The following PPP4R3A variants were observed in gnomAD, a reference collection of about 807,000 sequenced individuals.
The protein encoded by PPP4R3A is protein phosphatase 4 regulatory subunit 3A.
Under a neutral mutation model 91.7 loss-of-function variants are expected in PPP4R3A, and 15 were observed. The observed-to-expected ratio is 0.16, with a 90% confidence interval of 0.11 to 0.25. The LOEUF is 0.25. PPP4R3A is among the 10% of genes least tolerant of loss of function. The probability of loss-of-function intolerance (pLI) is 1.00; values close to 1 mark genes in which losing one functional copy is unlikely to be tolerated. For synonymous variants in PPP4R3A, 377 were observed against 348.7 expected (o/e 1.08, Z -0.91); for missense variants, 623 against 998.4 (o/e 0.62, Z 5.07).
At chr14:91,500,940 G>A (rs1451862754) in intron 1 of PPP4R3A, among the ~76,000 whole-genome samples, 2 of 152,242 alleles carry the variant, frequency 1.3e-5, no homozygotes, top group East Asian at 1.9e-4. Context: ...GCTGAGGCAG[G>A]ACGACTGCTT....
chr14:91,464,328 C>CT (rs1271509854), intron 11 of PPP4R3A, among the ~76,000 whole-genome samples: 2 of 135,786 alleles, frequency 1.5e-5, no homozygotes, highest in Non-Finnish European at 3.2e-5. Flanking sequence ...CCCCACCCCC[C>CT]TCCCTCACCC....
intron 4 of PPP4R3A, 115 bp from the exon 5 acceptor site, chr14:91,477,101 C>T: frequency 1.7e-6 from 1 of 601,308 alleles, no homozygotes; most frequent in Non-Finnish European, 2.5e-6. Context: ...GTGGTATTGG[C>T]AATGCTGTCT....
chr14:91,485,361 T>C (rs1197376565), intron 3 of PPP4R3A, among the ~76,000 whole-genome samples: 1 of 152,176 alleles, frequency 6.6e-6, no homozygotes, highest in African/African-American at 2.4e-5. Context: ...TTATGTTTGG[T>C]TTTGGAGTAC....
chr14:91,493,773 CTT>C lies in PPP4R3A; in HGVS notation c.143-2973_143-2972del, dbSNP rs71120151. Among the ~76,000 whole-genome samples the C allele has an allele frequency of 1.8e-3, 216 of 119,812 alleles. 3 individuals are homozygous for C. Among genetic ancestry groups the C allele is most frequent in the Admixed American group, 2.2e-3 (26 of 11,918 alleles). The allele number at this position is 119,812 out of a possible 152,430, so 78.6% of individuals were successfully genotyped here. A position where few individuals can be genotyped will look rare whatever the true frequency, so the allele number is the denominator to read the frequency against. On this transcript the variant is annotated intron_variant, in intron 1 of 14. Transcript: ENST00000554943. ...TAAAGTACATTATGGATCAATATTA[CTT>C]TTTTTTTTTTTTTTGAGACGGAGTT...
chr14:91,504,783 C>G (rs1891183329), intron 1 of PPP4R3A, among the ~76,000 whole-genome samples: 1 of 152,110 alleles, frequency 6.6e-6, no homozygotes, highest in Non-Finnish European at 1.5e-5. Flanking sequence ...GAAGGGAAGG[C>G]ATACAGTACT....
intron 3 of PPP4R3A, among the ~76,000 whole-genome samples, chr14:91,483,202 A>G (rs2145618): frequency 0.49 from 74,776 of 152,088 alleles, 18,718 homozygotes; most frequent in Admixed American, 0.53. Context: ...AGTGAACACT[A>G]AAGCAAGTAG....
At chr14:91,468,241 C>T (rs897780291) in intron 10 of PPP4R3A, among the ~76,000 whole-genome samples, 4 of 152,154 alleles carry the variant, frequency 2.6e-5, no homozygotes, top group Non-Finnish European at 5.9e-5. Context: ...CTTTCATTTA[C>T]TTAAAAGATT....
At chr14:91,460,775 CACG>C (rs1288593307) in intron 14 of PPP4R3A, among the ~76,000 whole-genome samples, 1 of 151,832 alleles carries the variant, frequency 6.6e-6, no homozygotes, top group African/African-American at 2.4e-5. Flanking sequence ...CGCCCGCCAC[CACG>C]CCTGGCTAAT....
intron 10 of PPP4R3A, among the ~76,000 whole-genome samples, chr14:91,468,691 G>GAAAAAAGA (rs1888642440): frequency 4.0e-5 from 3 of 74,722 alleles, no homozygotes; most frequent in East Asian, 1.0e-3. Context: ...AAAAAAAAAG[G>GAAAAAAGA]AAAAAAGAAA....
At chr14:91,476,674 T>C (rs1889227645) in intron 5 of PPP4R3A, 150 bp from the exon 6 acceptor site, 1 of 678,536 alleles carries the variant, frequency 1.5e-6, no homozygotes, top group East Asian at 2.8e-5. Flanking sequence ...CAAGCGATTC[T>C]CCTGCCTCAG....
At chr14:91,460,637 C>CTTTTTTTTTTT (rs573677740) in intron 14 of PPP4R3A, among the ~76,000 whole-genome samples, 2 of 111,282 alleles carry the variant, frequency 1.8e-5, no homozygotes, top group Non-Finnish European at 3.5e-5. Flanking sequence ...GATTTTGTTC[C>CTTTTTTTTTTT]TTTTTTTTTT....
intron 1 of PPP4R3A, among the ~76,000 whole-genome samples, chr14:91,498,130 T>G (rs1336019797): frequency 6.6e-6 from 1 of 152,126 alleles, no homozygotes; most frequent in African/African-American, 2.4e-5. Context: ...ATGTCAGGAA[T>G]TCGAGATCAG....
In PPP4R3A at chr14:91,458,885, G is replaced by C. The variant is rs528395708; in HGVS notation, c.2392-16C>G. ...CGAGGCCTCCCTGTTAAGAAATAAGGATTATTTAAAGAACAGAAAATAAAA... is the reference window on the plus strand; with the variant it reads ...CGAGGCCTCCCTGTTAAGAAATAAGCATTATTTAAAGAACAGAAAATAAAA... On this transcript the variant is annotated splice_polypyrimidine_tract_variant and intron_variant, in intron 14 of 14. Transcript: ENST00000554943. 6.3e-7 allele frequency: 1 copy of C among 1,582,974 alleles called. No individual in the cohort carries two copies. The highest frequency in any genetic ancestry group is 1.9e-5 in the Admixed American group (1 of 54,024).
intron 1 of PPP4R3A, among the ~76,000 whole-genome samples, chr14:91,494,579 AG>A (rs762247876): frequency 3.9e-4 from 59 of 152,148 alleles, no homozygotes; most frequent in Non-Finnish European, 7.8e-4. Context: ...CCCACAAATA[AG>A]GGCCAGGCAC....
intron 1 of PPP4R3A, among the ~76,000 whole-genome samples, chr14:91,499,820 CAAAAAAAA>C (rs3993928): frequency 8.3e-6 from 1 of 120,444 alleles, no homozygotes; most frequent in Non-Finnish European, 1.7e-5. Flanking sequence ...GACTCCACCT[CAAAAAAAA>C]AAAAAAAAAA....
chr14:91,501,484 T>G (rs1304184576), intron 1 of PPP4R3A, among the ~76,000 whole-genome samples: 1 of 151,964 alleles, frequency 6.6e-6, no homozygotes, highest in Non-Finnish European at 1.5e-5. Flanking sequence ...GGTGACCCCA[T>G]CTCTACAAAA....
chr14:91,498,315 A>G (rs1248052545), intron 1 of PPP4R3A, among the ~76,000 whole-genome samples: 1 of 151,988 alleles, frequency 6.6e-6, no homozygotes, highest in Non-Finnish European at 1.5e-5. Flanking sequence ...AGCCTAATTG[A>G]CAGTGAGACT....
chr14:91,462,249 G>A lies in PPP4R3A; in HGVS notation c.1974-10C>T. The A allele has an allele frequency of 1.3e-6, 2 of 1,562,832 alleles. No individual in the cohort carries two copies. The highest frequency in any genetic ancestry group is 1.4e-5 in the African/African-American group (1 of 72,452). On this transcript the variant is annotated splice_polypyrimidine_tract_variant and intron_variant, in intron 12 of 14. Coordinates refer to ENST00000554943, the MANE Select transcript of PPP4R3A (RefSeq NM_001366432.2). ...CAAAATGGAACGCATACTATGAGTA[G>A]GGAAGAAAGAGTAAATACAATCATA...
At chr14:91,502,513 A>G (rs1891029787) in intron 1 of PPP4R3A, among the ~76,000 whole-genome samples, 1 of 152,170 alleles carries the variant, frequency 6.6e-6, no homozygotes, top group South Asian at 2.1e-4. Context: ...TGGCATATAC[A>G]AGATTCTATA....
Sources: gnomAD v4.1 joint callset for allele counts (sites outside exome capture counted in the v4.1 genomes callset) on GRCh38, gnomAD v4.1.1 for gene constraint, MANE v1.5 for transcripts, NCBI Gene and HGNC (gene_info 2026-07-23, HGNC 2026-07-21) for gene names.